The following MAPK8 variants were observed in gnomAD, a reference collection of about 807,000 sequenced individuals.
MAPK8 encodes JUN N-terminal kinase.
Under a neutral mutation model 52.9 loss-of-function variants are expected in MAPK8, and 13 were observed. The observed-to-expected ratio is 0.25, with a 90% confidence interval of 0.16 to 0.39. The LOEUF (loss-of-function observed/expected upper bound fraction) is 0.39. Ranked by LOEUF, MAPK8 falls within the 10% of genes least tolerant of loss-of-function variation. The pLI is 1.00. For synonymous variants in MAPK8, 191 were observed against 169.8 expected, an observed-to-expected ratio of 1.12 and a Z score of -0.97; for missense variants, 300 against 519.2, an observed-to-expected ratio of 0.58 and a Z score of 4.10.
chr10:48,373,571 CAAAAAAAAAAAAAA>C (rs539162576), intron 1 of MAPK8, among the ~76,000 whole-genome samples: 8 of 16,844 alleles, frequency 4.7e-4, no homozygotes, highest in East Asian at 3.3e-3. Flanking sequence ...AAATTGAAAG[CAAAAAAAAAAAAAA>C]AAAAAAAAAA....
chr10:48,437,523 C>G lies in MAPK8; in HGVS notation c.*2494C>G, dbSNP rs1182091552. On this transcript the variant is annotated 3_prime_UTR_variant, in exon 12 of 12. Transcript: ENST00000374189. ...AAGATTTTTATTATCTTCATAGATT[C>G]AGAAAGAGATGCTAATTCTGTACCA... is the stretch of plus-strand genomic sequence containing the variant. 6.6e-6 allele frequency: 1 copy of G among 152,144 alleles called. No individual in the cohort carries two copies. The highest frequency in any genetic ancestry group is 1.5e-5 in the Non-Finnish European group (1 of 68,020). 9.4% of individuals were successfully genotyped at this position (152,144 alleles called of 1,614,324 possible).
intron 1 of MAPK8, among the ~76,000 whole-genome samples, chr10:48,359,174 A>G (rs1299346804): frequency 6.6e-6 from 1 of 152,134 alleles, no homozygotes; most frequent in Non-Finnish European, 1.5e-5. Context: ...GGTTGATATT[A>G]CTGCTCTTTT....
chr10:48,382,740 C>CA lies in MAPK8; in HGVS notation c.-49-18862dup, dbSNP rs955076179. On this transcript the variant is annotated intron_variant, in intron 1 of 11. Transcript: ENST00000374189. ...GTAAAACATAAAGGCCTTTCTTCTACAAAAAAAAAATATTTTATATATTTT... is the reference window on the plus strand; with the variant it reads ...GTAAAACATAAAGGCCTTTCTTCTACAAAAAAAAAAATATTTTATATATTTT... Among the ~76,000 whole-genome samples the CA allele has an allele frequency of 4.9e-3, 704 of 142,712 alleles. 8 individuals are homozygous for CA. Among genetic ancestry groups the CA allele is most frequent in the East Asian group, 0.025 (125 of 5,010 alleles). 93.6% of individuals were successfully genotyped at this position (142,712 alleles called of 152,430 possible). A position where few individuals can be genotyped will look rare whatever the true frequency, so the allele number is the denominator to read the frequency against.
chr10:48,350,912 A>G (rs906762595), intron 1 of MAPK8, among the ~76,000 whole-genome samples: 10 of 152,248 alleles, frequency 6.6e-5, no homozygotes, highest in African/African-American at 1.2e-4. Context: ...AAGCAACATC[A>G]GCAAAGTCTT....
rs61137889 is a variant in MAPK8, at chr10:48,339,085, A to T, written c.-50+32264A>T. Among the ~76,000 whole-genome samples, 456 of 152,240 alleles carry T rather than the reference A, an allele frequency of 3.0e-3. 4 individuals carry two copies. Among genetic ancestry groups the T allele is most frequent in the African/African-American group, 0.011 (444 of 41,528 alleles). ...TTTTTTCACAGAATTAGAAAAGACA[A>T]TTCTAATATTCATGTGGAAATACAA... On this transcript the variant is annotated intron_variant, in intron 1 of 11. Transcript: ENST00000374189.
chr10:48,400,777 AT>A (rs2042119862), intron 1 of MAPK8, among the ~76,000 whole-genome samples: 2 of 152,180 alleles, frequency 1.3e-5, no homozygotes, highest in Admixed American at 6.5e-5. Context: ...CTTTGCATAC[AT>A]TTTGGAATAG....
At chr10:48,413,839 AT>A (rs2042905855) in intron 5 of MAPK8, among the ~76,000 whole-genome samples, 2 of 110,850 alleles carry the variant, frequency 1.8e-5, no homozygotes, top group Non-Finnish European at 3.6e-5. Context: ...ATATATATAT[AT>A]ATATATATAT....
Position 48,436,627 on chromosome 10 carries a change from T to C in MAPK8, c.*1598T>C, listed in dbSNP as rs1370745393. 6.6e-6 allele frequency: 1 copy of C among 152,242 alleles called. No individual in the cohort carries two copies. Among genetic ancestry groups the C allele is most frequent in the Admixed American group, 6.5e-5 (1 of 15,288 alleles). 9.4% of individuals were successfully genotyped at this position (152,242 alleles called of 1,614,324 possible). A position where few individuals can be genotyped will look rare whatever the true frequency, so the allele number is the denominator to read the frequency against. ...AACATGCAATGTCTGAAAATTTGCT[T>C]GGCATTTTATTCATATATTTAGTGC... On this transcript the variant is annotated 3_prime_UTR_variant, in exon 12 of 12. Transcript: ENST00000374189.
chr10:48,313,795 G>C (rs573797083), intron 1 of MAPK8, among the ~76,000 whole-genome samples: 170 of 152,120 alleles, frequency 1.1e-3, no homozygotes, highest in African/African-American at 4.0e-3. Context: ...CACTCTTGTT[G>C]CCCAGGCTGG....
At position 48,438,225 on chromosome 10, in the gene MAPK8, A is replaced by C. The variant is rs748964031; in HGVS notation, c.*3196A>C. On this transcript the variant is annotated 3_prime_UTR_variant, in exon 12 of 12. Transcript: ENST00000374189. ...CTTACCAGTAGGTAAACCAAACACC[A>C]TTCTGTCATTAGCAGCCCTCTTAAA... 6.6e-6 allele frequency: 1 copy of C among 152,230 alleles called. No homozygotes were observed. Among genetic ancestry groups the C allele is most frequent in the African/African-American group, 2.4e-5 (1 of 41,450 alleles). The allele number at this position is 152,230 out of a possible 1,614,324, so 9.4% of individuals were successfully genotyped here. A position where few individuals can be genotyped will look rare whatever the true frequency, so the allele number is the denominator to read the frequency against.
intron 1 of MAPK8, among the ~76,000 whole-genome samples, chr10:48,325,523 GTCT>G (rs1843430055): frequency 6.6e-6 from 1 of 151,934 alleles, no homozygotes; most frequent in Non-Finnish European, 1.5e-5. Flanking sequence ...TTTTAAAATA[GTCT>G]TCATTTGTAG....
At chr10:48,425,832 T>C (rs201968887) in intron 7 of MAPK8, 56 bp from the exon 8 acceptor site, 1 of 963,514 alleles carries the variant, frequency 1.0e-6, no homozygotes, top group Non-Finnish European at 1.5e-6. Flanking sequence ...AATATGAATA[T>C]GACTAATGTA....
chr10:48,363,714 CA>C (rs1165694467), intron 1 of MAPK8, among the ~76,000 whole-genome samples: 3 of 152,180 alleles, frequency 2.0e-5, no homozygotes, highest in Non-Finnish European at 4.4e-5. Flanking sequence ...CTAGATGGCT[CA>C]AGTGCACCAC....
chr10:48,424,997 T>A (rs1391865724), intron 7 of MAPK8, among the ~76,000 whole-genome samples: 1 of 152,146 alleles, frequency 6.6e-6, no homozygotes, highest in East Asian at 1.9e-4. Flanking sequence ...TGTCTTTTGA[T>A]TGTTGTCTCA....
intron 3 of MAPK8, among the ~76,000 whole-genome samples, chr10:48,407,935 G>A (rs1380075320): frequency 2.0e-5 from 3 of 152,108 alleles, no homozygotes; most frequent in Non-Finnish European, 4.4e-5. Flanking sequence ...CATTGCATGC[G>A]GTTGGTAGAC....
intron 1 of MAPK8, among the ~76,000 whole-genome samples, chr10:48,343,638 A>G (rs1589008270): frequency 6.6e-6 from 1 of 152,222 alleles, no homozygotes; most frequent in African/African-American, 2.4e-5. Flanking sequence ...CAGTAGCCTC[A>G]GAGAGTGGAA....
intron 1 of MAPK8, among the ~76,000 whole-genome samples, chr10:48,384,780 G>C (rs1388610233): frequency 6.6e-6 from 1 of 152,212 alleles, no homozygotes; most frequent in Non-Finnish European, 1.5e-5. Context: ...TAGTTGGCCA[G>C]GTGCCAAGTC....
chr10:48,438,503 T>C lies in MAPK8; in HGVS notation c.*3474T>C. On this transcript the variant is annotated 3_prime_UTR_variant, in exon 12 of 12. Coordinates refer to ENST00000374189, the MANE Select transcript of MAPK8 (RefSeq NM_001323329.2). ...GGAGAGTCTAGTAACAGTAACACTT[T>C]CTGGCCATTTCTAGTTTAGATTCTC... 1 of 152,258 alleles carries C rather than the reference T, an allele frequency of 6.6e-6. No individual in the cohort carries two copies. The highest frequency in any genetic ancestry group is 1.9e-4 in the East Asian group (1 of 5,206). The allele number at this position is 152,258 out of a possible 1,614,324, so 9.4% of individuals were successfully genotyped here.
At chr10:48,307,669 A>G (rs1159620754) in intron 1 of MAPK8, among the ~76,000 whole-genome samples, 1 of 152,232 alleles carries the variant, frequency 6.6e-6, no homozygotes, top group Admixed American at 6.5e-5. Context: ...CATGTTGACT[A>G]CATGGCATTG....
Sources: allele counts gnomAD v4.1 joint callset (sites outside exome capture counted in the v4.1 genomes callset), GRCh38; gene constraint gnomAD v4.1.1; transcripts MANE v1.5; gene names NCBI Gene and HGNC (gene_info 2026-07-23, HGNC 2026-07-21).